MFSD11: variants seen among roughly 807,000 people sequenced by gnomAD.
MFSD11 encodes the protein major facilitator superfamily domain containing 11.
Under a neutral mutation model 53.5 loss-of-function variants are expected in MFSD11, and 36 were observed. That is an observed-to-expected ratio of 0.67 (90% confidence interval 0.52 to 0.89). The LOEUF (loss-of-function observed/expected upper bound fraction) is 0.89. MFSD11 is among the 40% of genes least tolerant of loss of function. MFSD11 has a pLI of 0.00. For missense variants in MFSD11, 530 were observed against 543.9 expected (o/e 0.97, Z 0.25); for synonymous variants, 186 against 184.9 (o/e 1.01, Z -0.05).
rs111389750 is a variant in MFSD11 at position 76,776,336 on chromosome 17, G to A, written c.1050-70G>A. The A allele has an allele frequency of 1.1e-3, 1,644 of 1,504,296 alleles. 16 individuals carry two copies. In the African/African-American group the frequency reaches 0.016, roughly 14 times the overall value. 93.2% of individuals were successfully genotyped at this position (1,504,296 alleles called of 1,614,324 possible). A position where few individuals can be genotyped will look rare whatever the true frequency, so the allele number is the denominator to read the frequency against. On this transcript the variant is annotated intron_variant, in intron 11 of 12. Coordinates refer to ENST00000685175, the MANE Select transcript of MFSD11 (RefSeq NM_001242532.5). The surrounding 1 kb of genome is among the most constrained non-coding windows in gnomAD (Gnocchi z 4.2). ...TTGCAGGTAGAATTCTTTTGTGGGT[G>A]GGTTGCTTGTATATTTTAAATGGCT...
At chr17:76,787,178 C>G in the MFSD11 span, among the ~76,000 whole-genome samples, 1 of 150,388 alleles carries the variant, frequency 6.6e-6, no homozygotes, top group African/African-American at 2.5e-5. Context: ...TCTTGTCGCC[C>G]AGGCTGGAGT....
intron 10 of MFSD11, among the ~76,000 whole-genome samples, chr17:76,774,577 C>G (rs1197318805): frequency 1.3e-5 from 2 of 152,232 alleles, no homozygotes; most frequent in African/African-American, 2.4e-5. Context: ...CTCTGACTCC[C>G]CTTCGGAGCT....
chr17:76,758,388 G>C (rs1312252587), intron 8 of MFSD11, among the ~76,000 whole-genome samples: 25 of 151,948 alleles, frequency 1.6e-4, no homozygotes, highest in Non-Finnish European at 2.9e-5. Context: ...TTTGAGAGTA[G>C]TCTGGGCAAC....
chr17:76,792,320 T>C, the MFSD11 span, among the ~76,000 whole-genome samples: 2 of 151,314 alleles, frequency 1.3e-5, no homozygotes, highest in Non-Finnish European at 2.9e-5. Flanking sequence ...GGTTTCACTA[T>C]GTTGTCCAGG....
intron 8 of MFSD11, among the ~76,000 whole-genome samples, chr17:76,759,536 C>T (rs1263675046): frequency 1.3e-5 from 2 of 151,932 alleles, no homozygotes; most frequent in Non-Finnish European, 2.9e-5. Context: ...CTCACTGCAA[C>T]CTCCGCCCCG....
intron 2 of MFSD11, 79 bp downstream of exon 2, chr17:76,739,072 T>G (rs947071833): frequency 7.3e-6 from 8 of 1,101,964 alleles, no homozygotes; most frequent in Non-Finnish European, 1.1e-5. Context: ...AGCAATAGAA[T>G]ATTGTGATTG....
In MFSD11 at chr17:76,776,260, T is replaced by G. The variant is rs2081827258; in HGVS notation, c.1050-146T>G. ...TCCCAAAGTGCTGGGATTCCAGGTG[T>G]GAGCCACCGCACCAGCTTTGTCTTT... On this transcript the variant is annotated intron_variant, in intron 11 of 12. Coordinates refer to ENST00000685175, the MANE Select transcript of MFSD11 (RefSeq NM_001242532.5). This position sits in a 1 kb window ranked among gnomAD's most constrained non-coding sequence, Gnocchi z 4.2. 1 of 781,744 alleles carries G rather than the reference T, an allele frequency of 1.3e-6. No homozygotes were observed. The allele number at this position is 781,744 out of a possible 1,614,324, so 48.4% of individuals were successfully genotyped here.
chr17:76,751,381 C>A (rs1295186105), intron 7 of MFSD11, among the ~76,000 whole-genome samples: 1 of 149,434 alleles, frequency 6.7e-6, no homozygotes, highest in Admixed American at 6.7e-5. Context: ...CAGAGCGAGA[C>A]ATTGTCTTAA....
chr17:76,785,791 C>A (rs1373338028), downstream of MFSD11, among the ~76,000 whole-genome samples: 1 of 151,956 alleles, frequency 6.6e-6, no homozygotes, highest in Non-Finnish European at 1.5e-5. Flanking sequence ...ATTTTTATCA[C>A]AATTAATGGC....
the MFSD11 span, among the ~76,000 whole-genome samples, chr17:76,795,503 T>A: frequency 2.6e-5 from 4 of 151,346 alleles, no homozygotes; most frequent in Non-Finnish European, 4.4e-5. Context: ...AAAAAAAAAA[T>A]TATAAAGTAT....
In MFSD11 at chr17:76,764,586, T is replaced by G. The variant is rs112580437; in HGVS notation, c.683-2800T>G. Reference sequence around the variant, plus strand: ...CGTTGCCCTAAATGGCAGGATTTCCTTTTGTAAGGCTGAATAATATACCAT... The same window carrying G: ...CGTTGCCCTAAATGGCAGGATTTCCGTTTGTAAGGCTGAATAATATACCAT... On this transcript the variant is annotated intron_variant, in intron 8 of 12. Transcript: ENST00000685175. Among the ~76,000 whole-genome samples, 309 of 152,368 alleles carry G rather than the reference T, an allele frequency of 2.0e-3. 4 individuals are homozygous for G. Among genetic ancestry groups the G allele is most frequent in the African/African-American group, 7.1e-3 (295 of 41,590 alleles).
chr17:76,740,418 A>C (rs1001846000), intron 2 of MFSD11, among the ~76,000 whole-genome samples: 3 of 152,124 alleles, frequency 2.0e-5, no homozygotes, highest in Non-Finnish European at 2.9e-5. Context: ...GGCTTAAGCA[A>C]GTTGTAGCTC....
rs1187391639 is a variant in MFSD11, at chr17:76,740,993, T to C, written c.189T>C (p.Asn63=). ...AIIYGVFSAS[N]LITPSVVAIV... ...TCTATGGAGTGTTCTCTGCTTCAAATTTGATTACACCGTCAGTGGTTGCCA... is the reference window on the plus strand; with the variant it reads ...TCTATGGAGTGTTCTCTGCTTCAAACTTGATTACACCGTCAGTGGTTGCCA... Residue 63 remains asparagine, a synonymous_variant, in exon 3 of 13, where the codon AAT becomes AAC. Coordinates refer to ENST00000685175, the MANE Select transcript of MFSD11 (RefSeq NM_001242532.5). The C allele has an allele frequency of 1.2e-6, 2 of 1,613,344 alleles. No individual in the cohort carries two copies. The highest frequency in any genetic ancestry group is 1.7e-6 in the Non-Finnish European group (2 of 1,179,474).
rs192244498 is a variant in MFSD11 at position 76,750,577 on chromosome 17, C to G, written c.642-3470C>G. On this transcript the variant is annotated intron_variant, in intron 7 of 12. Coordinates refer to ENST00000685175, the MANE Select transcript of MFSD11 (RefSeq NM_001242532.5). ...TTCACTGTGTTAGCCAGGATGGTCTCGATCTCCTGACCTCGTGATCCGCCC... is the reference window on the plus strand; with the variant it reads ...TTCACTGTGTTAGCCAGGATGGTCTGGATCTCCTGACCTCGTGATCCGCCC... 2.0e-5 allele frequency among the ~76,000 whole-genome samples: 3 copies of G among 151,798 alleles called. No individual in the cohort carries two copies. The East Asian group carries it at 5.8e-4, about 29-fold the overall frequency.
the MFSD11 span, among the ~76,000 whole-genome samples, chr17:76,791,702 C>G: frequency 6.7e-6 from 1 of 148,892 alleles, no homozygotes; most frequent in South Asian, 2.2e-4. Context: ...TGTTTGGCAG[C>G]CAGAGCTTGC....
At chr17:76,765,687 T>A (rs1378843075) in intron 8 of MFSD11, among the ~76,000 whole-genome samples, 1 of 151,906 alleles carries the variant, frequency 6.6e-6, no homozygotes, top group African/African-American at 2.4e-5. Context: ...TGGTCTTGGC[T>A]CAAGCGATTC....
chr17:76,746,553 G>A (rs950351465), intron 7 of MFSD11, among the ~76,000 whole-genome samples: 2 of 152,178 alleles, frequency 1.3e-5, no homozygotes, highest in African/African-American at 2.4e-5. Context: ...AGAACAGGCC[G>A]ACTCTTGTTA....
At chr17:76,746,703 A>T (rs1326581780) in intron 7 of MFSD11, among the ~76,000 whole-genome samples, 2 of 152,158 alleles carry the variant, frequency 1.3e-5, no homozygotes, top group Non-Finnish European at 2.9e-5. Flanking sequence ...ATGGTAGCAC[A>T]TTTGTTTACG....
chr17:76,777,477 C>T (rs145261952), intron 12 of MFSD11, among the ~76,000 whole-genome samples: 7 of 152,304 alleles, frequency 4.6e-5, no homozygotes, highest in Non-Finnish European at 7.3e-5. Flanking sequence ...TCAAGTGATC[C>T]GCCCGCTTGG....
Sources: allele counts gnomAD v4.1 joint callset (sites outside exome capture counted in the v4.1 genomes callset), GRCh38; gene constraint gnomAD v4.1.1; non-coding constraint Gnocchi (gnomAD v3.1); transcripts MANE v1.5; gene names NCBI Gene and HGNC (gene_info 2026-07-23, HGNC 2026-07-21).